The following CD83 variants were observed in gnomAD, a reference collection of about 807,000 sequenced individuals.
CD83 encodes the protein CD83 antigen.
CD83 carries 22 observed loss-of-function variants against 24.6 expected under a neutral mutation model. The observed-to-expected ratio is 0.90, with a 90% CI of 0.64 to 1.28. The LOEUF is 1.28. Among genes scored for constraint, CD83 ranks in the 50% most tolerant of loss-of-function variants. The pLI is 0.00. For missense variants in CD83, 253 were observed against 252.8 expected, an observed-to-expected ratio of 1.00 and a Z score of -0.01; for synonymous variants, 101 against 103.5, an observed-to-expected ratio of 0.98 and a Z score of 0.14.
chr6:14,122,709 T>C (rs746556405), intron 2 of CD83, among the ~76,000 whole-genome samples: 93 of 152,350 alleles, frequency 6.1e-4, no homozygotes, highest in Admixed American at 1.4e-3. Flanking sequence ...TTTTATGGGC[T>C]CCTCCCTAGG....
rs547174194 is a variant in CD83 at position 14,135,289 on chromosome 6, G to A, written c.*53G>A. 2 of 1,583,940 alleles carry A rather than the reference G, an allele frequency of 1.3e-6. No homozygotes were observed. Among genetic ancestry groups the A allele is most frequent in the Non-Finnish European group, 1.7e-6 (2 of 1,158,686 alleles). The stretch of plus-strand genomic sequence containing the variant: ...GAAGCTGAGGCTCAGGGGTGTGCCT[G>A]TCTGTTACACTGGAGGAGAGAAGAA... On this transcript the variant is annotated 3_prime_UTR_variant, in exon 5 of 5. Transcript: ENST00000379153.
chr6:14,117,582 C>T (rs1442080019), upstream of CD83: 23 of 68,410 alleles, frequency 3.4e-4, no homozygotes, highest in South Asian at 7.1e-4. This position sits in a 1 kb window ranked among gnomAD's most constrained non-coding sequence, Gnocchi z 4.6. Context: ...GCGAGGGCGG[C>T]GGGTGCGACG....
intron 2 of CD83, among the ~76,000 whole-genome samples, chr6:14,128,493 G>C (rs1759874928): frequency 6.6e-6 from 1 of 152,148 alleles, no homozygotes; most frequent in African/African-American, 2.4e-5. Flanking sequence ...ATATTTCCAG[G>C]TGCAATGTAT....
intron 3 of CD83, among the ~76,000 whole-genome samples, chr6:14,132,387 G>A (rs1173097149): frequency 1.3e-5 from 2 of 152,212 alleles, no homozygotes; most frequent in Admixed American, 1.3e-4. Context: ...TGCAGGGAGT[G>A]GAGAGAAAAT....
Position 14,133,745 on chromosome 6 carries a change from T to A in CD83, c.479T>A (p.Ile160Asn), listed in dbSNP as rs1051599205. The A allele has an allele frequency of 2.5e-6, 4 of 1,601,802 alleles. No homozygotes were observed. The highest frequency in any genetic ancestry group is 3.4e-6 in the Non-Finnish European group (4 of 1,169,552). The change falls in exon 4 of 5, where the codon ATT becomes AAT. Residue 160 changes from isoleucine to asparagine, a missense_variant. Ile to Asn is a moderately radical substitution (Grantham distance 149, BLOSUM62 -3). Transcript: ENST00000379153. ...ALVIFYLTLI[I>N]FTCKFARLQS... ...GTTATTTTCTACTTAACACTCATCA[T>A]TTTCACTTGTGTAAGTATCTTCTTA... is the stretch of plus-strand genomic sequence containing the variant.
At chr6:14,134,967 T>C in intron 4 of CD83, 141 bp from the exon 5 acceptor site, 1 of 750,198 alleles carries the variant, frequency 1.3e-6, no homozygotes, top group East Asian at 2.6e-5. Context: ...ACAAATCCCT[T>C]GTGGAGCGAG....
chr6:14,120,213 G>A (rs954818741), intron 2 of CD83, among the ~76,000 whole-genome samples: 11 of 152,140 alleles, frequency 7.2e-5, no homozygotes, highest in African/African-American at 2.7e-4. Flanking sequence ...CAGGTGCCTC[G>A]AAAGTGACAT....
In CD83 at chr6:14,133,775, A is replaced by G; in HGVS notation, c.489+20A>G. 1 of 1,473,086 alleles carries G rather than the reference A, an allele frequency of 6.8e-7. No homozygotes were observed. The highest frequency in any genetic ancestry group is 9.5e-7 in the Non-Finnish European group (1 of 1,053,682). 91.3% of individuals were successfully genotyped at this position (1,473,086 alleles called of 1,614,324 possible). ...ACTTGTGTAAGTATCTTCTTAAAAC[A>G]TCTTCTCTTATTAAAAGATTACCCA... On this transcript the variant is annotated intron_variant, in intron 4 of 4. Coordinates refer to ENST00000379153, the MANE Select transcript of CD83 (RefSeq NM_004233.4).
chr6:14,119,483 A>ACT (rs1759622779), intron 2 of CD83, among the ~76,000 whole-genome samples: 2 of 152,208 alleles, frequency 1.3e-5, no homozygotes, highest in Non-Finnish European at 2.9e-5. Flanking sequence ...GGAAGAATGG[A>ACT]CTTAGGGATT....
intron 2 of CD83, among the ~76,000 whole-genome samples, chr6:14,127,350 C>G (rs947496123): frequency 2.0e-5 from 3 of 151,924 alleles, no homozygotes; most frequent in African/African-American, 7.3e-5. Flanking sequence ...GATCAAAACT[C>G]TTTTTTTGCT....
chr6:14,117,521 G>A (rs1230537705), upstream of CD83: 2 of 150,312 alleles, frequency 1.3e-5, no homozygotes, highest in Non-Finnish European at 3.0e-5. The surrounding 1 kb of genome is among the most constrained non-coding windows in gnomAD (Gnocchi z 4.6). Context: ...CAGCAGCGAC[G>A]CGAACTCGGG....
chr6:14,120,337 A>C (rs3734666), intron 2 of CD83, among the ~76,000 whole-genome samples: 4,323 of 152,310 alleles, frequency 0.028, 93 homozygotes, highest in Non-Finnish European at 0.038. Flanking sequence ...ATACAACAAA[A>C]ATGGATAGAG....
chr6:14,132,439 C>T (rs955598828), intron 3 of CD83, among the ~76,000 whole-genome samples: 8 of 152,124 alleles, frequency 5.3e-5, no homozygotes, highest in South Asian at 2.1e-4. Context: ...TCTTCCATGG[C>T]GATATTGCCT....
upstream of CD83, chr6:14,117,723 G>A (rs1314005531): frequency 1.0e-6 from 1 of 959,170 alleles, no homozygotes; most frequent in Non-Finnish European, 1.4e-6. This position sits in a 1 kb window ranked among gnomAD's most constrained non-coding sequence, Gnocchi z 4.6. Flanking sequence ...GGCGCGCAGG[G>A]AAGTTCCCGA....
At chr6:14,132,756 G>A (rs981346685) in intron 3 of CD83, among the ~76,000 whole-genome samples, 6 of 152,224 alleles carry the variant, frequency 3.9e-5, no homozygotes, top group South Asian at 2.1e-4. Flanking sequence ...ACAAAATGTC[G>A]AATCCATTTT....
At chr6:14,131,381 TCA>T (rs367697986) in intron 2 of CD83, 137 bp from the exon 3 acceptor site, 44 of 641,290 alleles carry the variant, frequency 6.9e-5, no homozygotes, top group Middle Eastern at 3.1e-4. Flanking sequence ...CCCCCAGAGG[TCA>T]CACACACACA....
rs1031097674 is a variant in CD83 at position 14,129,409 on chromosome 6, T to G, written c.154-2111T>G. ...ACGAGGCTTCAGTTTATGGTTTACT[T>G]AGGCTTGAAAAGGGAAAAATGGTGC... On this transcript the variant is annotated intron_variant, in intron 2 of 4. Coordinates refer to ENST00000379153, the MANE Select transcript of CD83 (RefSeq NM_004233.4). This position sits in a 1 kb window ranked among gnomAD's most constrained non-coding sequence, Gnocchi z 4.3. 6.6e-6 allele frequency among the ~76,000 whole-genome samples: 1 copy of G among 152,178 alleles called. No individual in the cohort carries two copies. The highest frequency in any genetic ancestry group is 1.5e-5 in the Non-Finnish European group (1 of 68,032).
At chr6:14,131,408 T>G (rs976583493) in intron 2 of CD83, 112 bp from the exon 3 acceptor site, 1 of 750,778 alleles carries the variant, frequency 1.3e-6, no homozygotes, top group Non-Finnish European at 2.2e-6. Flanking sequence ...CATCACGTCT[T>G]GTTTTACAAA....
chr6:14,133,578 C>A, intron 3 of CD83, 71 bp from the exon 4 acceptor site: 2 of 1,012,498 alleles, frequency 2.0e-6, no homozygotes, highest in Non-Finnish European at 1.5e-6. Flanking sequence ...AGGAACAAAG[C>A]ATTCTTAGCT....
Sources: allele counts gnomAD v4.1 joint callset (sites outside exome capture counted in the v4.1 genomes callset), GRCh38; gene constraint gnomAD v4.1.1; non-coding constraint Gnocchi (gnomAD v3.1); transcripts MANE v1.5; gene names NCBI Gene and HGNC (gene_info 2026-07-23, HGNC 2026-07-21).